The following SCN8A variants were observed in gnomAD, a reference collection of about 807,000 sequenced individuals.
The protein encoded by SCN8A is sodium channel protein type 8 subunit alpha.
In SCN8A, 30 loss-of-function variants were observed where a neutral mutation model predicts 184.1. The observed-to-expected ratio is 0.16, with a 90% CI of 0.12 to 0.22. SCN8A has a LOEUF of 0.22. SCN8A is among the 10% of genes least tolerant of loss of function. SCN8A has a pLI of 1.00. For synonymous variants in SCN8A, 852 were observed against 907.0 expected, an observed-to-expected ratio of 0.94 and a Z score of 1.09; for missense variants, 1,057 against 2,498.9, an observed-to-expected ratio of 0.42 and a Z score of 12.30.
In SCN8A at chr12:51,721,741, C is replaced by G; in HGVS notation, c.1831C>G (p.Arg611Gly). The G allele has an allele frequency of 1.2e-6, 2 of 1,605,938 alleles. No individual in the cohort carries two copies. Among genetic ancestry groups the G allele is most frequent in the Middle Eastern group, 1.7e-4 (1 of 6,044 alleles). ...LFIPIRARER[R>G]SSYSGYSGYS... The stretch of plus-strand genomic sequence containing the variant: ...CATCCCCATCCGGGCCCGCGAGCGC[C>G]GGAGCAGCTACAGCGGCTACAGCGG... The change falls in exon 12 of 27, where the codon CGG (arginine) becomes GGG (glycine). Residue 611 changes from arginine to glycine, a missense_variant. Physicochemically the swap from Arg to Gly is moderately radical, Grantham distance 125. Around this residue, in one of 19 missense-constraint regions of SCN8A, gnomAD observed 322 missense variants for 390.1 expected, o/e 0.83. Coordinates refer to ENST00000627620, the MANE Select transcript of SCN8A (RefSeq NM_001330260.2).
chr12:51,769,235 A>G lies in SCN8A; in HGVS notation c.3272A>G (p.Asn1091Ser), dbSNP rs558738676. The change falls in exon 17 of 27, where the codon AAC becomes AGC. Residue 1091 changes from asparagine (N) to serine (S), a missense_variant. Asn to Ser is a conservative substitution (Grantham distance 46). Around this residue, in one of 19 missense-constraint regions of SCN8A, gnomAD observed 178 missense variants for 259.6 expected, o/e 0.69. Transcript: ENST00000627620. ...CACATGTCCTTCATCAACAACCCCA[A>G]CTTGACTGTACGGGTACCCATTGCT... ...EDHMSFINNP[N>S]LTVRVPIAVG... 2.4e-5 allele frequency: 38 copies of G among 1,613,886 alleles called. No individual in the cohort carries two copies. The highest frequency in any genetic ancestry group is 3.3e-4 in the Middle Eastern group (2 of 6,062).
At chr12:51,770,047 GCC>G in intron 18 of SCN8A, 62 bp downstream of exon 18, 20 of 1,189,114 alleles carry the variant, frequency 1.7e-5, no homozygotes, top group Non-Finnish European at 2.4e-5. Context: ...ACACAGTTGT[GCC>G]AGGGCTAGTG....
rs1942072314 is a variant in SCN8A at position 51,721,869 on chromosome 12, C to T, written c.1959C>T (p.Gly653=). 1 of 1,602,198 alleles carries T rather than the reference C, an allele frequency of 6.2e-7. No homozygotes were observed. The highest frequency in any genetic ancestry group is 2.2e-5 in the East Asian group (1 of 44,872). The change falls in exon 12 of 27, where the codon GGC becomes GGT. Residue 653 remains glycine (G), a synonymous_variant. Transcript: ENST00000627620. ...VDCNGVVSLI[G]GPGSHIGGRL... ...GCAACGGCGTGGTGTCCCTCATCGG[C>T]GGCCCCGGCTCCCACATCGGCGGGC...
chr12:51,763,206 G>A (rs767975705), intron 15 of SCN8A, among the ~76,000 whole-genome samples: 4 of 152,072 alleles, frequency 2.6e-5, no homozygotes, highest in East Asian at 1.9e-4. Flanking sequence ...TAATTTTTCC[G>A]CTTTACATTC....
At chr12:51,655,103 C>T (rs1042183638) in intron 1 of SCN8A, among the ~76,000 whole-genome samples, 10 of 151,822 alleles carry the variant, frequency 6.6e-5, no homozygotes, top group Non-Finnish European at 1.2e-4. Context: ...TTTGCTGTGT[C>T]GGCCAGGCTG....
intron 20 of SCN8A, among the ~76,000 whole-genome samples, chr12:51,778,876 T>A (rs1436778863): frequency 6.6e-6 from 1 of 152,134 alleles, no homozygotes; most frequent in Non-Finnish European, 1.5e-5. Flanking sequence ...ATTTAAGAGC[T>A]GTTGATGGAA....
intron 12 of SCN8A, among the ~76,000 whole-genome samples, chr12:51,736,748 G>A (rs888110633): frequency 1.3e-5 from 2 of 152,216 alleles, no homozygotes; most frequent in Non-Finnish European, 2.9e-5. Flanking sequence ...TCATCTGTAT[G>A]AAATCGTAAC....
chr12:51,651,248 G>T (rs1365180092), intron 1 of SCN8A, among the ~76,000 whole-genome samples: 1 of 152,176 alleles, frequency 6.6e-6, no homozygotes, highest in Non-Finnish European at 1.5e-5. Context: ...GCCAGATTTT[G>T]GGGGGCCTGC....
At position 51,713,121 on chromosome 12, in the gene SCN8A, C is replaced by G. The variant is rs975318496; in HGVS notation, c.1635+6406C>G. The G allele has an allele frequency of 3.2e-6, 4 of 1,243,214 alleles. No individual in the cohort carries two copies. In the African/African-American group the frequency reaches 5.8e-5, roughly 18 times the overall value. 77.0% of individuals were successfully genotyped at this position (1,243,214 alleles called of 1,614,324 possible). On this transcript the variant is annotated intron_variant, in intron 11 of 26. Coordinates refer to ENST00000627620, the MANE Select transcript of SCN8A (RefSeq NM_001330260.2). ...AAGCAGATCCTCTCTTTTTTCCACT[C>G]TGCCTCTCTTGCATAACTTCTATGG...
intron 1 of SCN8A, among the ~76,000 whole-genome samples, chr12:51,616,730 G>A (rs994118360): frequency 6.6e-6 from 1 of 151,578 alleles, no homozygotes; most frequent in Non-Finnish European, 1.5e-5. Context: ...GACAGGCTGG[G>A]CAACATAGGG....
At chr12:51,743,254 T>A (rs1942455927) in intron 12 of SCN8A, among the ~76,000 whole-genome samples, 1 of 152,194 alleles carries the variant, frequency 6.6e-6, no homozygotes, top group African/African-American at 2.4e-5. Context: ...TTTTCCTGCA[T>A]GATCTTGATG....
At chr12:51,780,587 T>TTG in intron 20 of SCN8A, 62 bp from the exon 21 acceptor site, 2 of 324,644 alleles carry the variant, frequency 6.2e-6, no homozygotes, top group Non-Finnish European at 1.0e-5. Flanking sequence ...TTTTTTTTTT[T>TTG]TTTTTTTTTT....
intron 21 of SCN8A, among the ~76,000 whole-genome samples, chr12:51,781,180 G>T (rs565768617): frequency 6.6e-6 from 1 of 152,292 alleles, no homozygotes; most frequent in African/African-American, 2.4e-5. Flanking sequence ...CATCAGCCAG[G>T]TGGGGACTGT....
chr12:51,787,293 C>A (rs1938112763), intron 22 of SCN8A, among the ~76,000 whole-genome samples: 1 of 152,136 alleles, frequency 6.6e-6, no homozygotes, highest in Non-Finnish European at 1.5e-5. Flanking sequence ...CAGCTCCACC[C>A]CAGAGAAAGG....
intron 1 of SCN8A, among the ~76,000 whole-genome samples, chr12:51,604,501 T>G (rs542536129): frequency 1.1e-4 from 16 of 152,196 alleles, no homozygotes; most frequent in South Asian, 4.2e-4. Context: ...TTGTTTGTTT[T>G]TTGTTTTTTT....
At chr12:51,619,912 A>G (rs900458324) in intron 1 of SCN8A, among the ~76,000 whole-genome samples, 1 of 152,194 alleles carries the variant, frequency 6.6e-6, no homozygotes, top group South Asian at 2.1e-4. Flanking sequence ...CACCTACACA[A>G]GCATGTCTGT....
chr12:51,770,728 G>A, intron 19 of SCN8A, 45 bp downstream of exon 19: 3 of 1,594,122 alleles, frequency 1.9e-6, no homozygotes, highest in Non-Finnish European at 2.6e-6. Context: ...CTGGGGAAGG[G>A]TGTAGAGAAG....
chr12:51,807,114 C>T lies in SCN8A; in HGVS notation c.5628C>T (p.Ser1876=), dbSNP rs200910225. ...RQQMEERFVA[S]NPSKVSYEPI... ...AGATGGAAGAGCGGTTCGTGGCATCCAATCCTTCCAAAGTGTCTTACGAGC... is the reference window on the plus strand; with the variant it reads ...AGATGGAAGAGCGGTTCGTGGCATCTAATCCTTCCAAAGTGTCTTACGAGC... The change falls in exon 27 of 27, where the codon TCC becomes TCT. Residue 1876 remains serine (S), a synonymous_variant. Coordinates refer to ENST00000627620, the MANE Select transcript of SCN8A (RefSeq NM_001330260.2). This position sits in a 1 kb window ranked among gnomAD's most constrained non-coding sequence, Gnocchi z 4.5. 4.3e-6 allele frequency: 7 copies of T among 1,613,898 alleles called. No individual in the cohort carries two copies. Among genetic ancestry groups the T allele is most frequent in the East Asian group, 4.5e-5 (2 of 44,864 alleles).
At chr12:51,642,318 C>A (rs975967853) in intron 1 of SCN8A, among the ~76,000 whole-genome samples, 24 of 152,194 alleles carry the variant, frequency 1.6e-4, no homozygotes, top group African/African-American at 5.8e-4. Flanking sequence ...CCCCAAACAC[C>A]TTTTCTATGA....
Sources: allele counts gnomAD v4.1 joint callset (sites outside exome capture counted in the v4.1 genomes callset), GRCh38; gene constraint gnomAD v4.1.1; regional missense constraint gnomAD v4.1.1; non-coding constraint Gnocchi (gnomAD v3.1); transcripts MANE v1.5; gene names NCBI Gene and HGNC (gene_info 2026-07-23, HGNC 2026-07-21).